CPB2: variants seen among roughly 807,000 people sequenced by gnomAD.
CPB2 encodes the protein carboxypeptidase B2, also known as carboxypeptidase B-like protein.
A neutral mutation model predicts 57.0 loss-of-function variants in CPB2; 54 were observed. That is an observed-to-expected ratio of 0.95 (90% CI 0.76 to 1.19). The LOEUF (loss-of-function observed/expected upper bound fraction) is 1.19. Among genes scored for constraint, CPB2 ranks in the 50% most tolerant of loss-of-function variants. The pLI is 0.00. For missense variants in CPB2, 426 were observed against 512.0 expected, an observed-to-expected ratio of 0.83 and a Z score of 1.62; for synonymous variants, 189 against 178.1, an observed-to-expected ratio of 1.06 and a Z score of -0.49.
chr13:46,078,270 A>C (rs1205827813), intron 5 of CPB2, among the ~76,000 whole-genome samples: 1 of 152,172 alleles, frequency 6.6e-6, no homozygotes, highest in East Asian at 1.9e-4. Context: ...TTAATTTTTA[A>C]TTTTATTTTT....
At chr13:46,094,399 A>G (rs573846142) in intron 1 of CPB2, among the ~76,000 whole-genome samples, 1 of 152,326 alleles carries the variant, frequency 6.6e-6, no homozygotes, top group African/African-American at 2.4e-5. Context: ...TTTGGGGTAT[A>G]GTCCCTTTCC....
chr13:46,066,868 A>G (rs2044863649), intron 7 of CPB2, among the ~76,000 whole-genome samples: 1 of 149,886 alleles, frequency 6.7e-6, no homozygotes, highest in Non-Finnish European at 1.5e-5. Context: ...AAAAAAAGTT[A>G]TTATACAATT....
chr13:46,073,226 A>G (rs2044969253), intron 6 of CPB2, among the ~76,000 whole-genome samples: 1 of 152,182 alleles, frequency 6.6e-6, no homozygotes, highest in Admixed American at 6.5e-5. Flanking sequence ...TCCAGTGGCT[A>G]TGATTCTTTG....
chr13:46,099,128 T>A (rs1438435376), intron 1 of CPB2: 2 of 152,184 alleles, frequency 1.3e-5, no homozygotes, highest in Non-Finnish European at 2.9e-5. Context: ...TGAGATGGTA[T>A]AAGACTAACA....
Position 46,053,519 on chromosome 13 carries a change from T to C in CPB2, c.*95A>G. On this transcript the variant is annotated 3_prime_UTR_variant, in exon 11 of 11. Coordinates refer to ENST00000181383, the MANE Select transcript of CPB2 (RefSeq NM_001872.5). ...GAATAGGAAAATCTTTTATCAAAAC[T>C]ACGGATAAAACTTAAAAATAATTTG... The C allele has an allele frequency of 6.6e-7, 1 of 1,514,358 alleles. No individual in the cohort carries two copies. The highest frequency in any genetic ancestry group is 8.9e-7 in the Non-Finnish European group (1 of 1,129,500). The allele number at this position is 1,514,358 out of a possible 1,614,324, so 93.8% of individuals were successfully genotyped here.
At chr13:46,074,319 T>G (rs1268631476) in intron 5 of CPB2, among the ~76,000 whole-genome samples, 1 of 152,254 alleles carries the variant, frequency 6.6e-6, no homozygotes, top group Non-Finnish European at 1.5e-5. Flanking sequence ...TGTATCTTCA[T>G]GCTTCATTTA....
chr13:46,071,720 C>A (rs2044945735), intron 6 of CPB2, among the ~76,000 whole-genome samples: 1 of 152,180 alleles, frequency 6.6e-6, no homozygotes, highest in Non-Finnish European at 1.5e-5. Context: ...GAAGAGAATG[C>A]TGATCTACTC....
chr13:46,104,592 A>G (rs931097138), intron 1 of CPB2, among the ~76,000 whole-genome samples: 1 of 152,190 alleles, frequency 6.6e-6, no homozygotes, highest in African/African-American at 2.4e-5. Context: ...AACTTTTTTT[A>G]TGTGAAGACA....
intron 6 of CPB2, among the ~76,000 whole-genome samples, chr13:46,067,628 T>A (rs2044876409): frequency 6.6e-6 from 1 of 152,168 alleles, no homozygotes; most frequent in Admixed American, 6.5e-5. Flanking sequence ...TCCTAGTTAA[T>A]GAAGGCAGAC....
At chr13:46,061,773 T>A (rs1033769847) in intron 8 of CPB2, among the ~76,000 whole-genome samples, 24 of 152,146 alleles carry the variant, frequency 1.6e-4, no homozygotes, top group African/African-American at 5.1e-4. Context: ...TCCACTCTCA[T>A]CTCCAACACA....
chr13:46,057,153 C>CA (rs35024155), intron 9 of CPB2, among the ~76,000 whole-genome samples: 186 of 132,654 alleles, frequency 1.4e-3, no homozygotes, highest in East Asian at 6.7e-3. Context: ...GGCAGTGATG[C>CA]AAAAAAAAAA....
At chr13:46,099,517 G>A (rs982218985) in intron 1 of CPB2, 2 of 152,098 alleles carry the variant, frequency 1.3e-5, no homozygotes, top group African/African-American at 4.8e-5. Flanking sequence ...CCATGAGATA[G>A]GACACCTTAT....
chr13:46,093,205 G>A (rs563110956), intron 1 of CPB2, among the ~76,000 whole-genome samples: 8 of 152,110 alleles, frequency 5.3e-5, no homozygotes, highest in South Asian at 2.1e-4. Context: ...GAGCCACCGC[G>A]CCCACCAAGG....
In CPB2 at chr13:46,079,535, CAAAAAAAAAA is replaced by C. The variant is rs58164990; in HGVS notation, c.385-644_385-635del. Among the ~76,000 whole-genome samples, 2 of 111,010 alleles carry C rather than the reference CAAAAAAAAAA, an allele frequency of 1.8e-5. 1 individual carries two copies. Among genetic ancestry groups the C allele is most frequent in the South Asian group, 6.0e-4 (2 of 3,338 alleles). 72.8% of individuals were successfully genotyped at this position (111,010 alleles called of 152,430 possible). A position where few individuals can be genotyped will look rare whatever the true frequency, so the allele number is the denominator to read the frequency against. On this transcript the variant is annotated intron_variant, in intron 4 of 10. Transcript: ENST00000181383. ...TCAAGATAATAGGGGAAGGAAAAAG[CAAAAAAAAAA>C]AAAAAAAAAAGAAAAGAAAAGAAAA...
chr13:46,081,049 G>A (rs1362900614), intron 4 of CPB2, among the ~76,000 whole-genome samples: 1 of 151,362 alleles, frequency 6.6e-6, no homozygotes, highest in Non-Finnish European at 1.5e-5. Context: ...ACAAGCTGAG[G>A]AAAGAGGCCT....
chr13:46,072,746 T>A (rs757744992), intron 6 of CPB2, among the ~76,000 whole-genome samples: 27 of 152,192 alleles, frequency 1.8e-4, no homozygotes, highest in Admixed American at 2.6e-4. Context: ...GGTTTCTTCT[T>A]GGCCCTTCTC....
At chr13:46,100,122 T>C (rs969938276) in intron 1 of CPB2, 8 of 151,120 alleles carry the variant, frequency 5.3e-5, no homozygotes, top group African/African-American at 1.7e-4. Flanking sequence ...AGTATAAAAA[T>C]TAGTCAACAA....
intron 5 of CPB2, among the ~76,000 whole-genome samples, chr13:46,074,690 G>C (rs767631709): frequency 1.4e-4 from 22 of 152,170 alleles, no homozygotes; most frequent in Admixed American, 1.4e-3. Context: ...TTAGGGTATA[G>C]AGCAGTGGTC....
At chr13:46,093,511 T>C (rs2045323503) in intron 1 of CPB2, among the ~76,000 whole-genome samples, 1 of 152,232 alleles carries the variant, frequency 6.6e-6, no homozygotes, top group Non-Finnish European at 1.5e-5. Context: ...CTCCACATTC[T>C]AGAATGCTTT....
Sources: gnomAD v4.1 joint callset for allele counts (sites outside exome capture counted in the v4.1 genomes callset) on GRCh38, gnomAD v4.1.1 for gene constraint, MANE v1.5 for transcripts, NCBI Gene and HGNC (gene_info 2026-07-23, HGNC 2026-07-21) for gene names.